Variants in ERBIN observed in about 807,000 individuals in gnomAD.
ERBIN encodes the protein densin-180-like protein.
A neutral mutation model predicts 158.4 loss-of-function variants in ERBIN; 60 were observed. The ratio of observed to expected loss-of-function variants is 0.38; its 90% confidence interval spans 0.31 to 0.47. ERBIN has a LOEUF of 0.47. Ranked by LOEUF, ERBIN falls within the 20% of genes least tolerant of loss-of-function variation. ERBIN has a pLI of 0.99. For missense variants in ERBIN, 1,610 were observed against 1,648.0 expected, an observed-to-expected ratio of 0.98 and a Z score of 0.40; for synonymous variants, 594 against 557.2, an observed-to-expected ratio of 1.07 and a Z score of -0.93.
intron 14 of ERBIN, among the ~76,000 whole-genome samples, chr5:66,033,977 C>T (rs1218499575): frequency 1.3e-5 from 2 of 151,880 alleles, no homozygotes; most frequent in Non-Finnish European, 1.5e-5. Context: ...GGCGTGGTGG[C>T]GTGTGCCTGT....
At chr5:65,938,396 G>A (rs1580073072) in intron 1 of ERBIN, among the ~76,000 whole-genome samples, 2 of 148,018 alleles carry the variant, frequency 1.4e-5, no homozygotes, top group East Asian at 3.9e-4. Context: ...TTTTGAGACA[G>A]GGTCTCGCTC....
In ERBIN at chr5:66,048,723, A is replaced by C. The variant is rs144095070; in HGVS notation, c.1845A>C (p.Pro615=). The C allele has an allele frequency of 1.8e-4, 297 of 1,609,064 alleles. No individual in the cohort carries two copies. The African/African-American group carries it at 3.6e-3, about 19-fold the overall frequency. The change falls in exon 19 of 26, where the codon CCA becomes CCC. Residue 615 remains proline, a synonymous_variant. Coordinates refer to ENST00000284037, the MANE Select transcript of ERBIN (RefSeq NM_001253697.2). ...EEMKMAEMRP[P]LIETSINQPK... ...TGAAAATGGCGGAGATGCGACCACCATTAATTGAAACCTCTATTAACCAGC... is the reference window on the plus strand; with the variant it reads ...TGAAAATGGCGGAGATGCGACCACCCTTAATTGAAACCTCTATTAACCAGC...
intron 4 of ERBIN, among the ~76,000 whole-genome samples, chr5:66,007,560 A>G (rs916839283): frequency 6.8e-6 from 1 of 146,122 alleles, no homozygotes; most frequent in Non-Finnish European, 1.5e-5. Context: ...AAAAAAAAAA[A>G]GAATGAGCCC....
At chr5:66,068,326 TAA>T (rs879539943) in intron 21 of ERBIN, among the ~76,000 whole-genome samples, 1 of 144,696 alleles carries the variant, frequency 6.9e-6, no homozygotes, top group Non-Finnish European at 1.5e-5. Flanking sequence ...GTCTACCTCT[TAA>T]AAAAAAAAAA....
chr5:66,061,061 C>T (rs1760235847), intron 21 of ERBIN, among the ~76,000 whole-genome samples: 1 of 152,128 alleles, frequency 6.6e-6, no homozygotes, highest in South Asian at 2.1e-4. Context: ...TCTGTTAGGT[C>T]TGCTTGGTGC....
At chr5:65,938,776 C>T (rs2150867252) in intron 1 of ERBIN, among the ~76,000 whole-genome samples, 1 of 152,232 alleles carries the variant, frequency 6.6e-6, no homozygotes, top group Non-Finnish European at 1.5e-5. Flanking sequence ...TGATCTCGAA[C>T]TCCTGACCTT....
At chr5:65,965,382 G>GTTTTTTTTTTTTTTTTTTTTTTTT (rs200847060) in intron 1 of ERBIN, among the ~76,000 whole-genome samples, 6 of 96,070 alleles carry the variant, frequency 6.2e-5, no homozygotes, top group Admixed American at 2.4e-4. Context: ...GTTTTTTGTT[G>GTTTTTTTTTTTTTTTTTTTTTTTT]TTTTTTTTTT....
intron 6 of ERBIN, among the ~76,000 whole-genome samples, chr5:66,014,006 C>T (rs1754467377): frequency 6.6e-6 from 1 of 152,094 alleles, no homozygotes; most frequent in Admixed American, 6.6e-5. Flanking sequence ...GAATCTGTTT[C>T]TGGGGGCGAC....
rs1378928036 is a variant in ERBIN, at chr5:66,048,531, T to C, written c.1789-136T>C. 5 of 620,006 alleles carry C rather than the reference T, an allele frequency of 8.1e-6. No individual in the cohort carries two copies. The East Asian group carries it at 8.9e-5, about 11-fold the overall frequency. The allele number at this position is 620,006 out of a possible 1,614,324, so 38.4% of individuals were successfully genotyped here. A position where few individuals can be genotyped will look rare whatever the true frequency, so the allele number is the denominator to read the frequency against. ...ACAGTCTTGGAAGGACTGGTTGTTATTTTATTGCCGTATCTTGAAAAGGTT... is the reference window on the plus strand; with the variant it reads ...ACAGTCTTGGAAGGACTGGTTGTTACTTTATTGCCGTATCTTGAAAAGGTT... On this transcript the variant is annotated intron_variant, in intron 18 of 25. Transcript: ENST00000284037.
chr5:65,952,282 A>G lies in ERBIN; in HGVS notation c.-58+25476A>G, dbSNP rs6865601. Among the ~76,000 whole-genome samples, 1,210 of 152,234 alleles carry G rather than the reference A, an allele frequency of 7.9e-3. 13 individuals carry two copies. The highest frequency in any genetic ancestry group is 0.028 in the African/African-American group (1,147 of 41,538). On this transcript the variant is annotated intron_variant, in intron 1 of 25. Transcript: ENST00000284037. Reference sequence around the variant, plus strand: ...TAATCTGGGGGAAAAAGCACCATAGATATACTACAGAGAGTCCACAAAGTC... The same window carrying G: ...TAATCTGGGGGAAAAAGCACCATAGGTATACTACAGAGAGTCCACAAAGTC...
intron 19 of ERBIN, among the ~76,000 whole-genome samples, chr5:66,049,915 T>A (rs909352076): frequency 6.6e-6 from 1 of 152,140 alleles, no homozygotes; most frequent in Non-Finnish European, 1.5e-5. Context: ...TACTGAGAGT[T>A]TACCATTCAT....
intron 1 of ERBIN, among the ~76,000 whole-genome samples, chr5:65,954,016 C>T (rs185811631): frequency 4.5e-4 from 68 of 152,272 alleles, no homozygotes; most frequent in Non-Finnish European, 7.8e-4. Context: ...CCCCTACACT[C>T]TCTACTCTCC....
chr5:65,939,361 C>CG (rs967145722), intron 1 of ERBIN, among the ~76,000 whole-genome samples: 6 of 152,154 alleles, frequency 3.9e-5, no homozygotes, highest in East Asian at 1.9e-4. Context: ...TGCTTGAACC[C>CG]GGGGGGCAGA....
Position 65,997,478 on chromosome 5 carries a change from G to A in ERBIN, c.307+2614G>A, listed in dbSNP as rs536682978. ...GATATTCATTAAGTATGGAAGATAC[G>A]TTCTAAAATGTTAAGTCCTTACCTC... is the stretch of plus-strand genomic sequence containing the variant. On this transcript the variant is annotated intron_variant, in intron 4 of 25. Coordinates refer to ENST00000284037, the MANE Select transcript of ERBIN (RefSeq NM_001253697.2). 5.3e-5 allele frequency among the ~76,000 whole-genome samples: 8 copies of A among 152,194 alleles called. 1 individual carries two copies. In the South Asian group the frequency reaches 6.2e-4, roughly 12 times the overall value.
At chr5:66,032,646 A>C (rs1402640871) in intron 14 of ERBIN, among the ~76,000 whole-genome samples, 1 of 152,186 alleles carries the variant, frequency 6.6e-6, no homozygotes. Flanking sequence ...TGCATGGTGG[A>C]AGATGGATTC....
chr5:66,067,494 C>A (rs757915511), intron 21 of ERBIN, among the ~76,000 whole-genome samples: 35 of 152,150 alleles, frequency 2.3e-4, no homozygotes, highest in Non-Finnish European at 4.4e-4. Context: ...GTTCATAACA[C>A]TGGGAATAAA....
intron 14 of ERBIN, among the ~76,000 whole-genome samples, chr5:66,033,605 A>G (rs1460276408): frequency 6.6e-6 from 1 of 152,244 alleles, no homozygotes; most frequent in Non-Finnish European, 1.5e-5. Context: ...ATAGAGGTAT[A>G]TGGCAAAACC....
intron 1 of ERBIN, among the ~76,000 whole-genome samples, chr5:65,975,271 G>A (rs1295922852): frequency 6.6e-6 from 1 of 152,096 alleles, no homozygotes; most frequent in Non-Finnish European, 1.5e-5. Flanking sequence ...GCCTCCCAAA[G>A]TGCTGGGATT....
At chr5:65,954,922 G>A (rs1043588397) in intron 1 of ERBIN, among the ~76,000 whole-genome samples, 1 of 151,900 alleles carries the variant, frequency 6.6e-6, no homozygotes, top group Non-Finnish European at 1.5e-5. Context: ...GTAATTAGCC[G>A]GGCATGGTGG....
Sources: gnomAD v4.1 joint callset for allele counts (sites outside exome capture counted in the v4.1 genomes callset) on GRCh38, gnomAD v4.1.1 for gene constraint, MANE v1.5 for transcripts, NCBI Gene and HGNC (gene_info 2026-07-23, HGNC 2026-07-21) for gene names.